Variants in ZNF33A observed in about 807,000 individuals in gnomAD.
The protein encoded by ZNF33A is brain my041 protein.
A neutral mutation model predicts 15.9 loss-of-function variants in ZNF33A; 9 were observed. The ratio of observed to expected loss-of-function variants is 0.57; its 90% confidence interval spans 0.34 to 0.99. The LOEUF (loss-of-function observed/expected upper bound fraction) is 0.99, where lower values mean the gene tolerates loss of function less well. Among genes scored for constraint, ZNF33A ranks in the 50% least tolerant of loss-of-function variants. The probability of loss-of-function intolerance (pLI) is 0.02; values close to 1 mark genes in which losing one functional copy is unlikely to be tolerated. For missense variants in ZNF33A, 843 were observed against 941.6 expected (o/e 0.90, Z 1.37); for synonymous variants, 294 against 324.2 (o/e 0.91, Z 1.00).
chr10:38,063,038 A>C (rs1418919054), downstream of ZNF33A, among the ~76,000 whole-genome samples: 2 of 150,650 alleles, frequency 1.3e-5, no homozygotes, highest in Non-Finnish European at 3.0e-5. Context: ...AAAAAGAGGA[A>C]AAGTATCCTG....
chr10:38,056,652 G>C lies in ZNF33A; in HGVS notation c.*92G>C. The C allele has an allele frequency of 6.8e-7, 1 of 1,462,358 alleles. No individual in the cohort carries two copies. The highest frequency in any genetic ancestry group is 1.6e-5 in the South Asian group (1 of 63,210). The allele number at this position is 1,462,358 out of a possible 1,614,324, so 90.6% of individuals were successfully genotyped here. Reference sequence around the variant, plus strand: ...ATTATAGGACAGCTTTTGTTAGGAAGTGATATTCTATGTAATATCAGATGG... The same window carrying C: ...ATTATAGGACAGCTTTTGTTAGGAACTGATATTCTATGTAATATCAGATGG... On this transcript the variant is annotated 3_prime_UTR_variant, in exon 5 of 5. Transcript: ENST00000432900.
intron 4 of ZNF33A, among the ~76,000 whole-genome samples, chr10:38,051,082 T>C (rs1259827467): frequency 6.6e-6 from 1 of 152,022 alleles, no homozygotes; most frequent in African/African-American, 2.4e-5. Context: ...TTTTTTTACA[T>C]TTGAAAATAC....
At chr10:38,038,907 T>A (rs2065570075) in intron 4 of ZNF33A, among the ~76,000 whole-genome samples, 1 of 152,234 alleles carries the variant, frequency 6.6e-6, no homozygotes, top group Admixed American at 6.5e-5. Flanking sequence ...TAAACCAAAT[T>A]TGAATTACTA....
At chr10:38,033,043 C>T (rs2474544) in intron 4 of ZNF33A, among the ~76,000 whole-genome samples, 9,198 of 152,270 alleles carry the variant, frequency 0.06, 353 homozygotes, top group Middle Eastern at 0.095. Context: ...GCACTGCGTC[C>T]GGCTGACAGT....
rs2066490291 is a variant in ZNF33A at position 38,056,439 on chromosome 10, T to C, written c.2315T>C (p.Ile772Thr). The C allele has an allele frequency of 2.5e-6, 4 of 1,614,074 alleles. No individual in the cohort carries two copies. The East Asian group carries it at 8.9e-5, about 36-fold the overall frequency. The change falls in exon 5 of 5, where the codon ATA becomes ACA. Residue 772 changes from isoleucine (I) to threonine (T), a missense_variant. Ile to Thr is a moderately conservative substitution (Grantham distance 89). Coordinates refer to ENST00000432900, the MANE Select transcript of ZNF33A (RefSeq NM_006954.2). ...SNLIVHQRRH[I>T]GENLMNEMDI... is the part of the protein sequence containing the mutation. Reference sequence around the variant, plus strand: ...CTCATTGTACATCAGAGAAGACATATAGGAGAAAACCTTATGAATGAAATG... The same window carrying C: ...CTCATTGTACATCAGAGAAGACATACAGGAGAAAACCTTATGAATGAAATG...
chr10:38,045,398 G>T (rs746055048), intron 4 of ZNF33A, among the ~76,000 whole-genome samples: 3 of 152,058 alleles, frequency 2.0e-5, no homozygotes, highest in Non-Finnish European at 4.4e-5. Context: ...GCTGATAGCC[G>T]CTACTGATTG....
chr10:38,014,086 AGGC>A (rs1246440708), intron 2 of ZNF33A, among the ~76,000 whole-genome samples: 1 of 112,704 alleles, frequency 8.9e-6, no homozygotes, highest in Non-Finnish European at 1.6e-5. Context: ...ACTGTCACCC[AGGC>A]TAGGGTGCAG....
chr10:38,012,928 A>T (rs2064262297), intron 2 of ZNF33A, among the ~76,000 whole-genome samples: 1 of 152,080 alleles, frequency 6.6e-6, no homozygotes. Flanking sequence ...AGGCACAAAG[A>T]CTTCCTGGCA....
chr10:38,040,300 C>T (rs897831720), intron 4 of ZNF33A, among the ~76,000 whole-genome samples: 1 of 152,066 alleles, frequency 6.6e-6, no homozygotes, highest in Admixed American at 6.6e-5. Context: ...CTGTCTATAT[C>T]TCTTAGATCT....
intron 4 of ZNF33A, among the ~76,000 whole-genome samples, chr10:38,028,004 G>A (rs2065054483): frequency 6.6e-6 from 1 of 152,120 alleles, no homozygotes; most frequent in African/African-American, 2.4e-5. Context: ...CTATTCTGAA[G>A]CTGGGTGGTT....
intron 4 of ZNF33A, among the ~76,000 whole-genome samples, chr10:38,040,754 G>T (rs1308208373): frequency 1.3e-5 from 2 of 152,110 alleles, no homozygotes; most frequent in African/African-American, 4.8e-5. Flanking sequence ...GTTGCTTTTT[G>T]ATTGGATTTT....
intron 4 of ZNF33A, among the ~76,000 whole-genome samples, chr10:38,027,417 A>G (rs1048244864): frequency 6.6e-6 from 1 of 151,952 alleles, no homozygotes; most frequent in Non-Finnish European, 1.5e-5. Context: ...GCAGTGGTAC[A>G]ATTACGGCTC....
chr10:38,057,652 C>G lies in ZNF33A; in HGVS notation c.*1092C>G, dbSNP rs1207669872. The stretch of plus-strand genomic sequence containing the variant: ...ACAAATTATCTAAAAAAAATCTATC[C>G]TGTACATGTGAAGATCTAGGCTCGC... On this transcript the variant is annotated 3_prime_UTR_variant, in exon 5 of 5. Coordinates refer to ENST00000432900, the MANE Select transcript of ZNF33A (RefSeq NM_006954.2). The G allele has an allele frequency of 5.1e-6, 5 of 985,284 alleles. No individual in the cohort carries two copies. In the African/African-American group the frequency reaches 8.7e-5, roughly 17 times the overall value. 61.0% of individuals were successfully genotyped at this position (985,284 alleles called of 1,614,324 possible).
chr10:38,028,652 G>A (rs971768823), intron 4 of ZNF33A, among the ~76,000 whole-genome samples: 3 of 152,056 alleles, frequency 2.0e-5, no homozygotes, highest in African/African-American at 4.8e-5. Context: ...GTCTTTAGTA[G>A]AGATGGAGTT....
chr10:38,060,090 T>C (rs896112681), downstream of ZNF33A: 5 of 985,248 alleles, frequency 5.1e-6, no homozygotes, highest in African/African-American at 8.7e-5. Context: ...ACTAAGGTGT[T>C]CTTTTGTTAG....
At chr10:38,043,987 T>A (rs1202175858) in intron 4 of ZNF33A, 1 of 152,162 alleles carries the variant, frequency 6.6e-6, no homozygotes, top group African/African-American at 2.4e-5. Flanking sequence ...GCCATTCATT[T>A]GTTTGAATAT....
downstream of ZNF33A, chr10:38,064,282 A>G (rs1189067654): frequency 1.4e-4 from 87 of 628,976 alleles, no homozygotes; most frequent in Non-Finnish European, 2.3e-4. Context: ...TCTTGCAACA[A>G]ATCTGGAAAC....
chr10:38,062,707 CTT>C (rs747905098), downstream of ZNF33A, among the ~76,000 whole-genome samples: 19 of 151,960 alleles, frequency 1.3e-4, 1 homozygote, highest in Non-Finnish European at 2.5e-4. Context: ...GACTCTGTCT[CTT>C]TAAAAAACAA....
At chr10:38,014,861 C>G (rs1373974923) in intron 2 of ZNF33A, among the ~76,000 whole-genome samples, 1 of 152,002 alleles carries the variant, frequency 6.6e-6, no homozygotes, top group Non-Finnish European at 1.5e-5. Context: ...TTGAATTGAA[C>G]CTATATATAA....
Sources: gnomAD v4.1 joint callset for allele counts (sites outside exome capture counted in the v4.1 genomes callset) on GRCh38, gnomAD v4.1.1 for gene constraint, MANE v1.5 for transcripts, NCBI Gene and HGNC (gene_info 2026-07-23, HGNC 2026-07-21) for gene names.